The following STK32B variants were observed in gnomAD, a reference collection of about 807,000 sequenced individuals.
STK32B encodes the protein serine/threonine-protein kinase 32B.
Under a neutral mutation model 52.6 loss-of-function variants are expected in STK32B, and 43 were observed. That is an observed-to-expected ratio of 0.82 (90% CI 0.64 to 1.05). The LOEUF is 1.05. STK32B is among the 50% of genes least tolerant of loss of function. STK32B has a pLI of 0.00. For synonymous variants in STK32B, 238 were observed against 204.3 expected, an observed-to-expected ratio of 1.17 and a Z score of -1.41; for missense variants, 621 against 534.6, an observed-to-expected ratio of 1.16 and a Z score of -1.59.
At chr4:5,114,640 GACATATAACTT>G (rs1426633202) in intron 1 of STK32B, among the ~76,000 whole-genome samples, 2 of 152,190 alleles carry the variant, frequency 1.3e-5, no homozygotes, top group African/African-American at 2.4e-5. Flanking sequence ...CTCGAGTAGA[GACATATAACTT>G]ACATATAACT....
At chr4:5,165,280 G>T (rs559226792) in intron 2 of STK32B, among the ~76,000 whole-genome samples, 7 of 152,102 alleles carry the variant, frequency 4.6e-5, no homozygotes, top group African/African-American at 1.7e-4. Flanking sequence ...TGTATCAACC[G>T]CCTGCTTTTG....
chr4:5,084,589 T>A (rs984655727), intron 1 of STK32B, among the ~76,000 whole-genome samples: 1 of 152,204 alleles, frequency 6.6e-6, no homozygotes, highest in Non-Finnish European at 1.5e-5. Context: ...TAACAGAAAC[T>A]GGCTCTGAAT....
At chr4:5,141,626 C>T (rs371480171) in intron 2 of STK32B, among the ~76,000 whole-genome samples, 45 of 152,152 alleles carry the variant, frequency 3.0e-4, no homozygotes, top group Middle Eastern at 3.4e-3. Context: ...ACAGCAGCAG[C>T]GGGGAGCCCT....
chr4:5,094,422 G>A (rs1002819525), intron 1 of STK32B, among the ~76,000 whole-genome samples: 1 of 152,190 alleles, frequency 6.6e-6, no homozygotes, highest in Non-Finnish European at 1.5e-5. Context: ...AGAGGCCTAG[G>A]TGGGAGGATT....
intron 3 of STK32B, among the ~76,000 whole-genome samples, chr4:5,272,282 G>T (rs1465593776): frequency 1.4e-5 from 2 of 147,736 alleles, no homozygotes; most frequent in Non-Finnish European, 1.5e-5. Flanking sequence ...TTTGTCTTTG[G>T]CTCTGTTTAT....
Position 5,398,114 on chromosome 4 carries a change from G to A in STK32B, c.435-93G>A. On this transcript the variant is annotated intron_variant, in intron 4 of 11. Transcript: ENST00000282908. This position sits in a 1 kb window ranked among gnomAD's most constrained non-coding sequence, Gnocchi z 4.9. ...GGTCAGGGAGAGGTGAGCAGCCTGG[G>A]TGTTCCAGCATTTGTCCTGATGTGG... The A allele has an allele frequency of 7.0e-7, 1 of 1,428,788 alleles. No individual in the cohort carries two copies. Among genetic ancestry groups the A allele is most frequent in the Non-Finnish European group, 9.7e-7 (1 of 1,031,610 alleles). 88.5% of individuals were successfully genotyped at this position (1,428,788 alleles called of 1,614,324 possible). A position where few individuals can be genotyped will look rare whatever the true frequency, so the allele number is the denominator to read the frequency against.
intron 1 of STK32B, among the ~76,000 whole-genome samples, chr4:5,122,327 C>T (rs1715082754): frequency 6.6e-6 from 1 of 151,052 alleles, no homozygotes; most frequent in Non-Finnish European, 1.5e-5. Flanking sequence ...TTCAGTCACC[C>T]ATTCACTCAT....
At chr4:5,174,363 T>C (rs1490625383) in intron 3 of STK32B, among the ~76,000 whole-genome samples, 1 of 152,216 alleles carries the variant, frequency 6.6e-6, no homozygotes, top group Non-Finnish European at 1.5e-5. Context: ...GCTGGTTATT[T>C]TGCTCGTTAG....
At chr4:5,113,016 A>G (rs571240808) in intron 1 of STK32B, among the ~76,000 whole-genome samples, 1 of 152,292 alleles carries the variant, frequency 6.6e-6, no homozygotes, top group East Asian at 1.9e-4. Context: ...AGGAAAATGT[A>G]TAGTAGATGA....
intron 1 of STK32B, among the ~76,000 whole-genome samples, chr4:5,129,196 T>G (rs776123071): frequency 3.9e-5 from 6 of 152,338 alleles, no homozygotes; most frequent in Middle Eastern, 3.4e-3. Context: ...CTCAGGAATT[T>G]ACTTTGGAGT....
At chr4:5,451,639 C>T (rs1049217750) in intron 7 of STK32B, among the ~76,000 whole-genome samples, 4 of 152,126 alleles carry the variant, frequency 2.6e-5, no homozygotes, top group Non-Finnish European at 4.4e-5. Context: ...GCACTATGGA[C>T]ATTTGAGGCC....
At chr4:5,299,055 C>G (rs1273032163) in intron 3 of STK32B, among the ~76,000 whole-genome samples, 1 of 151,978 alleles carries the variant, frequency 6.6e-6, no homozygotes, top group African/African-American at 2.4e-5. Flanking sequence ...GAGGGAGTTA[C>G]CCAGCCCCTT....
At chr4:5,413,528 A>C (rs1363358847) in intron 5 of STK32B, among the ~76,000 whole-genome samples, 1 of 152,228 alleles carries the variant, frequency 6.6e-6, no homozygotes, top group African/African-American at 2.4e-5. Flanking sequence ...AAGACAAAGG[A>C]TATCATTTTG....
At chr4:5,349,562 G>C (rs932886115) in intron 4 of STK32B, among the ~76,000 whole-genome samples, 14 of 151,990 alleles carry the variant, frequency 9.2e-5, no homozygotes, top group Non-Finnish European at 1.9e-4. Flanking sequence ...ACAATGTAAG[G>C]ACACAGGAAA....
At chr4:5,057,222 G>A (rs1359747211) in intron 1 of STK32B, among the ~76,000 whole-genome samples, 2 of 152,174 alleles carry the variant, frequency 1.3e-5, no homozygotes, top group African/African-American at 2.4e-5. Flanking sequence ...TTCCAGTAAG[G>A]TCATTGGAGA....
chr4:5,202,081 G>C (rs1196548160), intron 3 of STK32B, among the ~76,000 whole-genome samples: 1 of 152,206 alleles, frequency 6.6e-6, no homozygotes, highest in Non-Finnish European at 1.5e-5. Context: ...TTCTGTCTAT[G>C]AGCCTGTAAA....
At chr4:5,070,891 G>A (rs917767975) in intron 1 of STK32B, among the ~76,000 whole-genome samples, 5 of 152,138 alleles carry the variant, frequency 3.3e-5, no homozygotes, top group African/African-American at 9.7e-5. Context: ...ACAGAAGGCC[G>A]TCCCACAAGA....
intron 3 of STK32B, among the ~76,000 whole-genome samples, chr4:5,176,068 G>T (rs897835352): frequency 1.3e-5 from 2 of 152,242 alleles, no homozygotes; most frequent in African/African-American, 4.8e-5. Flanking sequence ...CTAGCAATGA[G>T]CGAGGCTTTG....
intron 4 of STK32B, among the ~76,000 whole-genome samples, chr4:5,381,408 T>G (rs1735922728): frequency 6.6e-6 from 1 of 152,190 alleles, no homozygotes; most frequent in African/African-American, 2.4e-5. Context: ...TCATGGTATC[T>G]TCAGCTGAGC....
Sources: allele counts gnomAD v4.1 joint callset (sites outside exome capture counted in the v4.1 genomes callset), GRCh38; gene constraint gnomAD v4.1.1; non-coding constraint Gnocchi (gnomAD v3.1); transcripts MANE v1.5; gene names NCBI Gene and HGNC (gene_info 2026-07-23, HGNC 2026-07-21).